KLHL32: variants seen among roughly 807,000 people sequenced by gnomAD.
KLHL32 encodes the protein kelch-like protein 32.
Under a neutral mutation model 64.8 loss-of-function variants are expected in KLHL32, and 35 were observed. The observed-to-expected ratio is 0.54, with a 90% CI of 0.41 to 0.72. The LOEUF (loss-of-function observed/expected upper bound fraction) is 0.72, where lower values mean the gene tolerates loss of function less well. Among genes scored for constraint, KLHL32 ranks in the 30% least tolerant of loss-of-function variants. The pLI, the probability that KLHL32 is intolerant of heterozygous loss-of-function variation, is 0.00. For synonymous variants in KLHL32, 259 were observed against 281.0 expected (o/e 0.92, Z 0.78); for missense variants, 589 against 768.5 (o/e 0.77, Z 2.76).
intron 1 of KLHL32, among the ~76,000 whole-genome samples, chr6:96,937,562 G>C (rs1249404690): frequency 6.6e-6 from 1 of 152,166 alleles, no homozygotes; most frequent in East Asian, 1.9e-4. Context: ...CCCCCTCAGG[G>C]AGATGAGCTG....
intron 3 of KLHL32, among the ~76,000 whole-genome samples, chr6:97,029,905 T>C (rs1206102): frequency 0.18 from 26,709 of 152,204 alleles, 2,801 homozygotes; most frequent in African/African-American, 0.3. Context: ...GTAAACATCA[T>C]TAATTATGTA....
At chr6:97,100,008 G>A (rs181220502) in intron 6 of KLHL32, among the ~76,000 whole-genome samples, 270 of 152,170 alleles carry the variant, frequency 1.8e-3, no homozygotes, top group Admixed American at 0.015. Context: ...AGCCAGGCGC[G>A]GTGGTGCACA....
intron 1 of KLHL32, among the ~76,000 whole-genome samples, chr6:96,936,366 G>A (rs1770600439): frequency 6.6e-6 from 1 of 152,142 alleles, no homozygotes; most frequent in Admixed American, 6.5e-5. Context: ...AAATGATTTG[G>A]CACATAGAAC....
intron 6 of KLHL32, among the ~76,000 whole-genome samples, chr6:97,098,737 C>G (rs1795317020): frequency 1.3e-5 from 2 of 152,126 alleles, no homozygotes; most frequent in Admixed American, 1.3e-4. Flanking sequence ...TATATGGTCT[C>G]ACAAGATTCC....
chr6:96,959,725 G>T (rs1267551428), intron 1 of KLHL32, among the ~76,000 whole-genome samples: 3 of 152,148 alleles, frequency 2.0e-5, no homozygotes, highest in African/African-American at 7.2e-5. Flanking sequence ...AGCATGCGGT[G>T]GTTGCAGGTT....
At chr6:97,130,107 G>A (rs971085383) in intron 8 of KLHL32, among the ~76,000 whole-genome samples, 2 of 152,144 alleles carry the variant, frequency 1.3e-5, no homozygotes, top group African/African-American at 4.8e-5. Context: ...CATTACCCTA[G>A]CTTATCTAGC....
At chr6:97,062,533 T>G (rs1455801803) in intron 4 of KLHL32, 1 of 152,254 alleles carries the variant, frequency 6.6e-6, no homozygotes, top group Non-Finnish European at 1.5e-5. Flanking sequence ...GTGCTTAACT[T>G]TTTCACTTCT....
At chr6:97,008,591 C>T (rs920711730) in intron 3 of KLHL32, among the ~76,000 whole-genome samples, 5 of 152,208 alleles carry the variant, frequency 3.3e-5, no homozygotes, top group African/African-American at 1.2e-4. Flanking sequence ...GCAGCTCTCC[C>T]TGCCAGGGTA....
intron 7 of KLHL32, among the ~76,000 whole-genome samples, chr6:97,125,115 G>A (rs773572469): frequency 6.6e-6 from 1 of 152,126 alleles, no homozygotes; most frequent in Non-Finnish European, 1.5e-5. Context: ...AGCTTTTGTT[G>A]TTCTTTAAAA....
At chr6:97,012,399 C>G (rs1033810358) in intron 3 of KLHL32, among the ~76,000 whole-genome samples, 1 of 152,150 alleles carries the variant, frequency 6.6e-6, no homozygotes. Flanking sequence ...AGGAGGAGAC[C>G]ATGAAACAAG....
chr6:97,066,508 G>A (rs952588022), intron 5 of KLHL32, among the ~76,000 whole-genome samples: 7 of 152,128 alleles, frequency 4.6e-5, no homozygotes, highest in South Asian at 2.1e-4. Flanking sequence ...CTTGTGGACC[G>A]TTATTATTCA....
At chr6:96,983,614 G>A (rs867996017) in intron 3 of KLHL32, among the ~76,000 whole-genome samples, 2 of 152,396 alleles carry the variant, frequency 1.3e-5, no homozygotes, top group South Asian at 2.1e-4. Context: ...TCTTGGGAGG[G>A]TGTATGTGTC....
chr6:96,900,498 G>A, the KLHL32 span, among the ~76,000 whole-genome samples: 12 of 152,268 alleles, frequency 7.9e-5, no homozygotes, highest in East Asian at 1.2e-3. Flanking sequence ...CACACGTGGT[G>A]GTATTGTTAG....
At chr6:97,053,385 T>C (rs79844080) in intron 4 of KLHL32, among the ~76,000 whole-genome samples, 3,834 of 152,282 alleles carry the variant, frequency 0.025, 67 homozygotes, top group Non-Finnish European at 0.037. Context: ...GCTTGCTCCA[T>C]AAATAAATCA....
chr6:97,017,597 T>C (rs540891292), intron 3 of KLHL32, among the ~76,000 whole-genome samples: 36 of 152,302 alleles, frequency 2.4e-4, no homozygotes, highest in Non-Finnish European at 4.0e-4. Flanking sequence ...GAAGTTGTGA[T>C]AGACAAGCCA....
intron 3 of KLHL32, among the ~76,000 whole-genome samples, chr6:96,987,036 C>G (rs1777189288): frequency 6.6e-6 from 1 of 152,200 alleles, no homozygotes; most frequent in South Asian, 2.1e-4. Context: ...GTTTGTATTT[C>G]TATGGGATCA....
intron 4 of KLHL32, among the ~76,000 whole-genome samples, chr6:97,045,771 C>T (rs1397200959): frequency 1.3e-5 from 2 of 152,136 alleles, no homozygotes; most frequent in Non-Finnish European, 2.9e-5. Flanking sequence ...CACAAAGGAT[C>T]TATGAAATGT....
chr6:96,994,576 G>A lies in KLHL32; in HGVS notation c.204+18399G>A, dbSNP rs571013234. ...GTGGGACTGCAAGAGTAAGAAGGCCGAAGCTTTGATGGATCTTTTCCTTTA... is the reference window on the plus strand; with the variant it reads ...GTGGGACTGCAAGAGTAAGAAGGCCAAAGCTTTGATGGATCTTTTCCTTTA... On this transcript the variant is annotated intron_variant, in intron 3 of 10. Coordinates refer to ENST00000369261, the MANE Select transcript of KLHL32 (RefSeq NM_052904.4). 22 of 985,394 alleles carry A rather than the reference G, an allele frequency of 2.2e-5. No homozygotes were observed. The South Asian group carries it at 2.3e-4, about 11-fold the overall frequency. 61.0% of individuals were successfully genotyped at this position (985,394 alleles called of 1,614,324 possible).
At chr6:97,118,711 G>A (rs1009320118) in intron 7 of KLHL32, among the ~76,000 whole-genome samples, 7 of 151,730 alleles carry the variant, frequency 4.6e-5, no homozygotes, top group Non-Finnish European at 1.0e-4. Flanking sequence ...ACCACAGACC[G>A]TGGTCACACA....
Sources: gnomAD v4.1 joint callset for allele counts (sites outside exome capture counted in the v4.1 genomes callset) on GRCh38, gnomAD v4.1.1 for gene constraint, MANE v1.5 for transcripts, NCBI Gene and HGNC (gene_info 2026-07-23, HGNC 2026-07-21) for gene names.